The following SRGAP3 variants were observed in gnomAD, a reference collection of about 807,000 sequenced individuals.
SRGAP3 encodes SLIT-ROBO Rho GTPase activating protein 3.
Under a neutral mutation model 121.1 loss-of-function variants are expected in SRGAP3, and 39 were observed. That is an observed-to-expected ratio of 0.32 (90% CI 0.25 to 0.42). The LOEUF (loss-of-function observed/expected upper bound fraction) is 0.42. Ranked by LOEUF, SRGAP3 falls within the 10% of genes least tolerant of loss-of-function variation. The pLI is 1.00. For synonymous variants in SRGAP3, 601 were observed against 570.0 expected, an observed-to-expected ratio of 1.05 and a Z score of -0.77; for missense variants, 1,213 against 1,470.6, an observed-to-expected ratio of 0.82 and a Z score of 2.86.
intron 4 of SRGAP3, among the ~76,000 whole-genome samples, chr3:9,075,249 G>A (rs1368274897): frequency 6.6e-6 from 1 of 152,126 alleles, no homozygotes; most frequent in Non-Finnish European, 1.5e-5. Flanking sequence ...GGAGTTCGAG[G>A]GAAAAGAAGT....
chr3:9,153,234 T>C (rs1575153580), intron 1 of SRGAP3, among the ~76,000 whole-genome samples: 1 of 152,322 alleles, frequency 6.6e-6, no homozygotes, highest in East Asian at 1.9e-4. Flanking sequence ...CCAAGAGCAC[T>C]TACTACAGTG....
chr3:9,187,686 C>T (rs576878008), intron 1 of SRGAP3, among the ~76,000 whole-genome samples: 4 of 152,180 alleles, frequency 2.6e-5, no homozygotes, highest in African/African-American at 7.2e-5. Flanking sequence ...ACAGGGCATG[C>T]TCTGCCTCTC....
intron 1 of SRGAP3, among the ~76,000 whole-genome samples, chr3:9,351,530 T>C: frequency 6.6e-6 from 1 of 152,148 alleles, no homozygotes; most frequent in Non-Finnish European, 1.5e-5. Flanking sequence ...TTAGAGGGAT[T>C]GAACCCCATA....
chr3:9,235,820 A>G (rs1574918339), intron 1 of SRGAP3: 2 of 152,128 alleles, frequency 1.3e-5, no homozygotes, highest in African/African-American at 4.8e-5. Context: ...CTATTGTTTA[A>G]TGGGTACAGA....
At chr3:9,322,561 G>A (rs1332482680) in intron 3 of SRGAP3, among the ~76,000 whole-genome samples, 2 of 151,824 alleles carry the variant, frequency 1.3e-5, no homozygotes, top group African/African-American at 4.8e-5. Flanking sequence ...TGTTGCATCG[G>A]CGTGGCATTA....
At chr3:9,208,716 T>G (rs976657627) in intron 1 of SRGAP3, among the ~76,000 whole-genome samples, 6 of 152,152 alleles carry the variant, frequency 3.9e-5, no homozygotes, top group African/African-American at 1.4e-4. Context: ...GAAGGGAGGA[T>G]GGAGGGAGTC....
intron 5 of SRGAP3, among the ~76,000 whole-genome samples, chr3:9,063,468 G>GT (rs1050036335): frequency 1.3e-5 from 2 of 151,032 alleles, no homozygotes; most frequent in Non-Finnish European, 2.9e-5. Flanking sequence ...ACTCATACAT[G>GT]TTTTTTTAAG....
chr3:9,016,513 C>T (rs183554446), intron 14 of SRGAP3, among the ~76,000 whole-genome samples: 3 of 152,156 alleles, frequency 2.0e-5, no homozygotes, highest in African/African-American at 4.8e-5. Context: ...TTAGAAGGCA[C>T]GTACGTCAGG....
intron 5 of SRGAP3, among the ~76,000 whole-genome samples, chr3:9,060,850 C>A (rs1946130366): frequency 6.6e-6 from 1 of 152,164 alleles, no homozygotes; most frequent in South Asian, 2.1e-4. Context: ...TGGACTCAGG[C>A]AGCTCCCCTT....
At chr3:9,277,268 G>A (rs149297258) in intron 3 of SRGAP3, among the ~76,000 whole-genome samples, 257 of 152,230 alleles carry the variant, frequency 1.7e-3, no homozygotes, top group Non-Finnish European at 2.9e-3. Flanking sequence ...TTCAGATAAA[G>A]CAAGTGATTT....
chr3:9,089,388 T>C (rs147810785), intron 3 of SRGAP3, among the ~76,000 whole-genome samples: 2 of 150,704 alleles, frequency 1.3e-5, no homozygotes, highest in African/African-American at 4.9e-5. Flanking sequence ...ATCTTTTTGA[T>C]TGGTCTGACT....
intron 1 of SRGAP3, among the ~76,000 whole-genome samples, chr3:9,234,620 G>A (rs1362023751): frequency 6.6e-6 from 1 of 152,114 alleles, no homozygotes; most frequent in Non-Finnish European, 1.5e-5. Flanking sequence ...CAGAAATCCA[G>A]GTCTTTCTAT....
intron 1 of SRGAP3, chr3:9,348,598 A>T (rs768106858): frequency 2.4e-5 from 22 of 925,826 alleles, no homozygotes; most frequent in Non-Finnish European, 3.9e-5. Context: ...GCTGAGTTTG[A>T]CATCTGCTTC....
chr3:9,258,393 G>A (rs1954180785), intron 3 of SRGAP3, among the ~76,000 whole-genome samples: 1 of 152,182 alleles, frequency 6.6e-6, no homozygotes, highest in Non-Finnish European at 1.5e-5. Context: ...ATGCTGGACA[G>A]AGACATGGGC....
rs71626912 is a variant in SRGAP3, at chr3:9,268,296, G to GTCTCTCTCTC, written n.442+57704_442+57713dup. On this transcript the variant is annotated intron_variant and non_coding_transcript_variant, in intron 3 of 3. Coordinates refer to the SRGAP3 transcript ENST00000490889. ...TTATAAGAAGAGACCAGAGAGAAGA[G>GTCTCTCTCTC]TCTCTCTCTCTCTCTCTCTCTCTCT... 7.4e-4 allele frequency among the ~76,000 whole-genome samples: 109 copies of GTCTCTCTCTC among 147,676 alleles called. 1 individual carries two copies. Among genetic ancestry groups the GTCTCTCTCTC allele is most frequent in the South Asian group, 1.5e-3 (7 of 4,582 alleles).
chr3:9,042,274 T>A (rs368129424), intron 10 of SRGAP3, among the ~76,000 whole-genome samples: 2 of 152,262 alleles, frequency 1.3e-5, no homozygotes, highest in East Asian at 3.9e-4. Context: ...AAATCTGGTG[T>A]TCATTTTGCA....
At chr3:9,164,764 TACTTC>T (rs1250467649) in intron 1 of SRGAP3, among the ~76,000 whole-genome samples, 6 of 152,262 alleles carry the variant, frequency 3.9e-5, no homozygotes, top group Non-Finnish European at 7.3e-5. Flanking sequence ...GGCCACTCAG[TACTTC>T]AGATAGCCTC....
intron 3 of SRGAP3, among the ~76,000 whole-genome samples, chr3:9,300,658 G>T (rs1399460126): frequency 6.6e-6 from 1 of 152,198 alleles, no homozygotes; most frequent in Non-Finnish European, 1.5e-5. Context: ...TTTTGGAGTA[G>T]TGGTTCTCAA....
At chr3:9,306,390 T>G (rs557547530) in intron 3 of SRGAP3, among the ~76,000 whole-genome samples, 1 of 152,306 alleles carries the variant, frequency 6.6e-6, no homozygotes, top group African/African-American at 2.4e-5. Flanking sequence ...GGTACTTTCT[T>G]TTGCCATGCA....
Sources: gnomAD v4.1 joint callset for allele counts (sites outside exome capture counted in the v4.1 genomes callset) on GRCh38, gnomAD v4.1.1 for gene constraint, MANE v1.5 for transcripts, NCBI Gene and HGNC (gene_info 2026-07-23, HGNC 2026-07-21) for gene names.